Variants in SPATA6 observed in about 807,000 individuals in gnomAD.
SPATA6 encodes the protein spermatogenesis-associated protein 6.
A neutral mutation model predicts 65.3 loss-of-function variants in SPATA6; 56 were observed. The ratio of observed to expected loss-of-function variants is 0.86; its 90% CI spans 0.69 to 1.07. The LOEUF (loss-of-function observed/expected upper bound fraction) is 1.07. SPATA6 is among the 50% of genes least tolerant of loss of function. The pLI is 0.00. For missense variants in SPATA6, 590 were observed against 594.8 expected (o/e 0.99, Z 0.08); for synonymous variants, 199 against 213.2 (o/e 0.93, Z 0.58).
chr1:48,305,649 A>C (rs1645042546), intron 12 of SPATA6, 138 bp downstream of exon 12: 1 of 596,156 alleles, frequency 1.7e-6, no homozygotes, highest in Non-Finnish European at 2.7e-6. Context: ...GCAAACATTA[A>C]AATTTTAATA....
At chr1:48,266,823 C>T in the SPATA6 span, among the ~76,000 whole-genome samples, 121 of 152,282 alleles carry the variant, frequency 7.9e-4, 1 homozygote, top group African/African-American at 2.8e-3. Context: ...TGCCAAAACA[C>T]ATTCTTTATG....
chr1:48,367,224 T>G (rs1367475897), intron 9 of SPATA6, among the ~76,000 whole-genome samples: 4 of 152,216 alleles, frequency 2.6e-5, no homozygotes, highest in African/African-American at 7.2e-5. Flanking sequence ...AACTATGTGG[T>G]CACTTTCGGA....
At chr1:48,406,508 A>G (rs1042632954) in intron 5 of SPATA6, among the ~76,000 whole-genome samples, 2 of 152,238 alleles carry the variant, frequency 1.3e-5, no homozygotes, top group African/African-American at 2.4e-5. Context: ...CAGTTCATCT[A>G]TGAAGTCTAC....
At chr1:48,398,112 T>G (rs1442264168) in intron 7 of SPATA6, among the ~76,000 whole-genome samples, 1 of 151,544 alleles carries the variant, frequency 6.6e-6, no homozygotes, top group Non-Finnish European at 1.5e-5. Context: ...TCACCAAATA[T>G]GCAACTAAAA....
At chr1:48,313,892 C>T (rs577164440) in intron 11 of SPATA6, among the ~76,000 whole-genome samples, 148 of 152,176 alleles carry the variant, frequency 9.7e-4, no homozygotes, top group African/African-American at 3.3e-3. Flanking sequence ...GTTGCAATCC[C>T]AGTCTCTGAT....
chr1:48,453,280 G>C, intron 1 of SPATA6, 149 bp from the exon 2 acceptor site: 3 of 890,860 alleles, frequency 3.4e-6, no homozygotes, highest in Non-Finnish European at 4.9e-6. Flanking sequence ...ACAGAGACTA[G>C]TGTTTACAGA....
At chr1:48,371,312 T>C (rs960095348) in intron 9 of SPATA6, among the ~76,000 whole-genome samples, 1 of 150,696 alleles carries the variant, frequency 6.6e-6, no homozygotes, top group East Asian at 1.9e-4. Context: ...GATAGATAGA[T>C]AGATATTCAA....
intron 11 of SPATA6, among the ~76,000 whole-genome samples, chr1:48,349,213 G>A (rs1646450610): frequency 6.6e-6 from 1 of 151,956 alleles, no homozygotes; most frequent in African/African-American, 2.4e-5. Flanking sequence ...TACTGCATAT[G>A]ATTACTTTCT....
chr1:48,463,179 G>A (rs76938096), intron 1 of SPATA6, among the ~76,000 whole-genome samples: 1 of 152,232 alleles, frequency 6.6e-6, no homozygotes, highest in African/African-American at 2.4e-5. Flanking sequence ...CTGCAAAGCC[G>A]TCATCAAGTG....
chr1:48,277,824 G>C, the SPATA6 span, among the ~76,000 whole-genome samples: 2 of 152,264 alleles, frequency 1.3e-5, no homozygotes, highest in East Asian at 3.8e-4. Context: ...TTTGAAGAGA[G>C]CAGTGGTTCT....
intron 9 of SPATA6, among the ~76,000 whole-genome samples, chr1:48,360,513 G>A (rs569726577): frequency 6.6e-6 from 1 of 151,956 alleles, no homozygotes; most frequent in East Asian, 1.9e-4. Context: ...GACTATGCCA[G>A]AAGAGAGAAA....
intron 8 of SPATA6, among the ~76,000 whole-genome samples, chr1:48,389,674 T>C (rs1649848760): frequency 6.6e-6 from 1 of 151,850 alleles, no homozygotes; most frequent in Non-Finnish European, 1.5e-5. Context: ...ACTATTAATA[T>C]ATCCAGAAAA....
intron 5 of SPATA6, among the ~76,000 whole-genome samples, chr1:48,410,864 A>G (rs973195022): frequency 2.0e-5 from 3 of 152,348 alleles, no homozygotes; most frequent in Middle Eastern, 3.4e-3. Flanking sequence ...AGGGATTACA[A>G]TTCAAGATGA....
chr1:48,374,717 C>T (rs1462576738), intron 9 of SPATA6, among the ~76,000 whole-genome samples: 5 of 152,160 alleles, frequency 3.3e-5, no homozygotes, highest in African/African-American at 1.2e-4. Context: ...CAAATTCCTT[C>T]CTTATCAAAA....
At chr1:48,360,142 A>G (rs1490191994) in intron 9 of SPATA6, among the ~76,000 whole-genome samples, 1 of 152,174 alleles carries the variant, frequency 6.6e-6, no homozygotes, top group African/African-American at 2.4e-5. Context: ...ATTCAAATTC[A>G]GGTCTAATAC....
intron 11 of SPATA6, chr1:48,325,129 ATACT>A: frequency 1.9e-6 from 1 of 515,502 alleles, no homozygotes; most frequent in East Asian, 3.3e-5. Flanking sequence ...CCTCTTTTGC[ATACT>A]TATTCTTCTT....
intron 11 of SPATA6, among the ~76,000 whole-genome samples, chr1:48,313,604 C>A (rs186091655): frequency 1.8e-4 from 27 of 152,100 alleles, no homozygotes; most frequent in East Asian, 1.2e-3. Context: ...CAAATTGTAA[C>A]GACCATCGAG....
Position 48,363,825 on chromosome 1 carries a change from A to G in SPATA6, c.910-4055T>C, listed in dbSNP as rs139253493. On this transcript the variant is annotated intron_variant, in intron 9 of 12. Transcript: ENST00000371847. ...TTTATTTTATTATTATTATACTTTA[A>G]GTTTTAGGGTACATGTGCACAATGT... Among the ~76,000 whole-genome samples the G allele has an allele frequency of 6.2e-3, 931 of 150,648 alleles. 7 individuals carry two copies. The highest frequency in any genetic ancestry group is 0.016 in the African/African-American group (662 of 41,068).
intron 11 of SPATA6, among the ~76,000 whole-genome samples, chr1:48,313,816 C>A (rs1170325259): frequency 6.6e-6 from 1 of 152,076 alleles, no homozygotes; most frequent in Non-Finnish European, 1.5e-5. Flanking sequence ...TGTGCAGAGA[C>A]ACACATAGGC....
Sources: gnomAD v4.1 joint callset for allele counts (sites outside exome capture counted in the v4.1 genomes callset) on GRCh38, gnomAD v4.1.1 for gene constraint, MANE v1.5 for transcripts, NCBI Gene and HGNC (gene_info 2026-07-23, HGNC 2026-07-21) for gene names.